The following TIGIT variants were observed in gnomAD, a reference collection of about 807,000 sequenced individuals.
TIGIT encodes the protein T cell immunoreceptor with Ig and ITIM domains.
Under a neutral mutation model 19.6 loss-of-function variants are expected in TIGIT, and 11 were observed. The ratio of observed to expected loss-of-function variants is 0.56; its 90% confidence interval spans 0.35 to 0.93. TIGIT has a LOEUF of 0.93. Among genes scored for constraint, TIGIT ranks in the 40% least tolerant of loss-of-function variants. The probability of loss-of-function intolerance (pLI) is 0.01; values close to 1 mark genes in which losing one functional copy is unlikely to be tolerated. For missense variants in TIGIT, 295 were observed against 303.9 expected, an observed-to-expected ratio of 0.97 and a Z score of 0.22; for synonymous variants, 130 against 125.5, an observed-to-expected ratio of 1.04 and a Z score of -0.24.
chr3:114,307,892 T>G lies in TIGIT; in HGVS notation c.499-3T>G, dbSNP rs116116052. On this transcript the variant is annotated splice_region_variant and splice_polypyrimidine_tract_variant and intron_variant, in intron 3 of 3. Transcript: ENST00000383671. The stretch of plus-strand genomic sequence containing the variant: ...ACTCACTTTGTAGTTTGTTTGTTTT[T>G]AGAAGAAAGCCCTCAGAATCCATTC... 21 of 1,613,528 alleles carry G rather than the reference T, an allele frequency of 1.3e-5. No individual in the cohort carries two copies. The African/African-American group carries it at 2.8e-4, about 22-fold the overall frequency.
At chr3:114,299,085 C>T (rs1263536381) in intron 2 of TIGIT, among the ~76,000 whole-genome samples, 1 of 152,198 alleles carries the variant, frequency 6.6e-6, no homozygotes, top group East Asian at 1.9e-4. Flanking sequence ...GGATAAGAGT[C>T]CAGAGCCTCA....
chr3:114,296,479 T>C (rs1292039899), intron 2 of TIGIT, among the ~76,000 whole-genome samples: 1 of 152,196 alleles, frequency 6.6e-6, no homozygotes, highest in Non-Finnish European at 1.5e-5. Context: ...TGGGTGCAAA[T>C]CCTGGCTCTG....
chr3:114,297,920 T>G (rs1362846820), intron 2 of TIGIT, among the ~76,000 whole-genome samples: 3 of 152,244 alleles, frequency 2.0e-5, no homozygotes, highest in Non-Finnish European at 4.4e-5. Flanking sequence ...TCCCTCTTGT[T>G]TCCCAAGTGG....
chr3:114,302,444 A>AT (rs1424318527), intron 3 of TIGIT, among the ~76,000 whole-genome samples: 1 of 152,142 alleles, frequency 6.6e-6, no homozygotes, highest in Non-Finnish European at 1.5e-5. Flanking sequence ...ACCTCTTTTG[A>AT]TTATGTATGT....
Position 114,309,981 on chromosome 3 carries a change from A to C in TIGIT, c.*1850A>C, listed in dbSNP as rs888175271. 1 of 152,298 alleles carries C rather than the reference A, an allele frequency of 6.6e-6. No homozygotes were observed. The highest frequency in any genetic ancestry group is 1.5e-5 in the Non-Finnish European group (1 of 68,022). 9.4% of individuals were successfully genotyped at this position (152,298 alleles called of 1,614,324 possible). A position where few individuals can be genotyped will look rare whatever the true frequency, so the allele number is the denominator to read the frequency against. ...TGAAATGGGATTCAATTTGAAAAAA[A>C]TTTTTTTAAATAGAACTCACTGAAC... On this transcript the variant is annotated 3_prime_UTR_variant, in exon 4 of 4. Coordinates refer to ENST00000383671, the MANE Select transcript of TIGIT (RefSeq NM_173799.4).
chr3:114,302,964 C>G (rs187150887), intron 3 of TIGIT, among the ~76,000 whole-genome samples: 113 of 152,274 alleles, frequency 7.4e-4, no homozygotes, highest in African/African-American at 2.6e-3. Flanking sequence ...TCTGTTGCAA[C>G]AATTCAACTC....
At chr3:114,302,931 T>C (rs139028863) in intron 3 of TIGIT, among the ~76,000 whole-genome samples, 3 of 152,328 alleles carry the variant, frequency 2.0e-5, no homozygotes, top group African/African-American at 7.2e-5. Flanking sequence ...GTATATCTTT[T>C]TGGGTTTGTA....
At chr3:114,307,369 A>T (rs973488200) in intron 3 of TIGIT, among the ~76,000 whole-genome samples, 2 of 152,176 alleles carry the variant, frequency 1.3e-5, no homozygotes, top group Non-Finnish European at 2.9e-5. Flanking sequence ...AAGAAAGTAG[A>T]TGCTCATGAA....
At chr3:114,298,179 C>T (rs998581180) in intron 2 of TIGIT, among the ~76,000 whole-genome samples, 15 of 152,306 alleles carry the variant, frequency 9.8e-5, no homozygotes, top group Admixed American at 7.2e-4. Context: ...GTAGTGATGT[C>T]ATGCTTACTC....
intron 3 of TIGIT, among the ~76,000 whole-genome samples, chr3:114,305,630 A>G (rs2078528526): frequency 2.0e-5 from 3 of 152,174 alleles, no homozygotes; most frequent in African/African-American, 7.2e-5. Flanking sequence ...CGAGGGCCCA[A>G]GAGCAATTCT....
intron 2 of TIGIT, among the ~76,000 whole-genome samples, chr3:114,298,566 C>T (rs957503544): frequency 2.0e-5 from 3 of 152,088 alleles, no homozygotes; most frequent in Admixed American, 6.5e-5. Context: ...TCTATGACCC[C>T]TGTGCTTTCC....
chr3:114,299,576 T>C (rs1425239392), intron 2 of TIGIT, 21 bp from the exon 3 acceptor site: 5 of 1,587,380 alleles, frequency 3.1e-6, no homozygotes, highest in Non-Finnish European at 4.3e-6. Flanking sequence ...GCCACTCATC[T>C]CTGTTTTGTC....
intron 3 of TIGIT, among the ~76,000 whole-genome samples, chr3:114,305,782 ATGG>A (rs2078529765): frequency 1.7e-5 from 1 of 59,524 alleles, no homozygotes; most frequent in African/African-American, 4.8e-5. Context: ...GGAGATATAG[ATGG>A]ATGGATGGAT....
chr3:114,304,467 C>T (rs1191034543), intron 3 of TIGIT, among the ~76,000 whole-genome samples: 1 of 152,154 alleles, frequency 6.6e-6, no homozygotes. Flanking sequence ...AGAATCATCT[C>T]CTGGGGCCCT....
At chr3:114,300,472 A>G (rs1196818324) in intron 3 of TIGIT, among the ~76,000 whole-genome samples, 1 of 152,076 alleles carries the variant, frequency 6.6e-6, no homozygotes, top group African/African-American at 2.4e-5. Flanking sequence ...AAGAGTAATG[A>G]ATGGGGAATT....
chr3:114,307,812 A>G, intron 3 of TIGIT, 83 bp from the exon 4 acceptor site: 1 of 1,272,170 alleles, frequency 7.9e-7, no homozygotes, highest in Non-Finnish European at 1.1e-6. Flanking sequence ...TGTGTGTAAG[A>G]AAGGAAGAGA....
intron 3 of TIGIT, among the ~76,000 whole-genome samples, chr3:114,301,423 C>T (rs2078491235): frequency 6.6e-6 from 1 of 152,032 alleles, no homozygotes; most frequent in Non-Finnish European, 1.5e-5. Flanking sequence ...GGAAATGAAC[C>T]CTCTATGGGA....
chr3:114,299,756 C>A, intron 3 of TIGIT, 53 bp downstream of exon 3: 1 of 1,245,730 alleles, frequency 8.0e-7, no homozygotes, highest in Non-Finnish European at 1.2e-6. Context: ...GTCTGGCACC[C>A]GGGTCCTTTC....
At chr3:114,305,154 A>G (rs927727507) in intron 3 of TIGIT, among the ~76,000 whole-genome samples, 2 of 114,614 alleles carry the variant, frequency 1.7e-5, no homozygotes, top group South Asian at 3.6e-4. Flanking sequence ...TATACTGTTG[A>G]CCCAATTCCA....
Sources: gnomAD v4.1 joint callset for allele counts (sites outside exome capture counted in the v4.1 genomes callset) on GRCh38, gnomAD v4.1.1 for gene constraint, MANE v1.5 for transcripts, NCBI Gene and HGNC (gene_info 2026-07-23, HGNC 2026-07-21) for gene names.